The following MAGI2 variants were observed in gnomAD, a reference collection of about 807,000 sequenced individuals.
MAGI2 encodes the protein membrane-associated guanylate kinase, WW and PDZ domain-containing protein 2.
A neutral mutation model predicts 133.3 loss-of-function variants in MAGI2; 35 were observed. The ratio of observed to expected loss-of-function variants is 0.26; its 90% CI spans 0.20 to 0.35. The LOEUF (loss-of-function observed/expected upper bound fraction) is 0.35. MAGI2 is among the 10% of genes least tolerant of loss of function. MAGI2 has a pLI of 1.00. For missense variants in MAGI2, 1,636 were observed against 1,863.4 expected, an observed-to-expected ratio of 0.88 and a Z score of 2.25; for synonymous variants, 729 against 710.6, an observed-to-expected ratio of 1.03 and a Z score of -0.41.
chr7:79,128,792 A>T (rs1263352020), intron 1 of MAGI2, among the ~76,000 whole-genome samples: 1 of 152,204 alleles, frequency 6.6e-6, no homozygotes, highest in Non-Finnish European at 1.5e-5. Flanking sequence ...ATCCCCATAA[A>T]CCTATCATCG....
intron 7 of MAGI2, among the ~76,000 whole-genome samples, chr7:78,360,671 G>A (rs1021962055): frequency 6.6e-6 from 1 of 152,220 alleles, no homozygotes; most frequent in African/African-American, 2.4e-5. Flanking sequence ...AGTGTTTTCT[G>A]GGTTGCCTAG....
intron 1 of MAGI2, among the ~76,000 whole-genome samples, chr7:79,142,954 A>G (rs1822275523): frequency 6.6e-6 from 1 of 152,218 alleles, no homozygotes; most frequent in Non-Finnish European, 1.5e-5. Flanking sequence ...CACTACTATC[A>G]GCTGCATTTC....
intron 15 of MAGI2, among the ~76,000 whole-genome samples, chr7:78,164,254 GTCTCTTCT>G (rs1349956725): frequency 6.7e-6 from 1 of 149,308 alleles, no homozygotes; most frequent in Non-Finnish European, 1.5e-5. Context: ...ATGTGCCTGG[GTCTCTTCT>G]CAGGACTGTC....
At chr7:79,023,173 T>G (rs553898518) in intron 1 of MAGI2, among the ~76,000 whole-genome samples, 2 of 97,526 alleles carry the variant, frequency 2.1e-5, no homozygotes, top group African/African-American at 6.6e-5. Flanking sequence ...GATGCAAGTT[T>G]TGTTCAATAT....
At chr7:78,454,122 C>G (rs923069834) in intron 6 of MAGI2, among the ~76,000 whole-genome samples, 1 of 152,148 alleles carries the variant, frequency 6.6e-6, no homozygotes, top group Non-Finnish European at 1.5e-5. Flanking sequence ...ACCTGTCTAC[C>G]ATTCTCTACA....
intron 20 of MAGI2, among the ~76,000 whole-genome samples, chr7:78,110,761 T>A (rs971837445): frequency 1.3e-5 from 2 of 151,866 alleles, no homozygotes; most frequent in South Asian, 4.2e-4. Flanking sequence ...CATCTCTGAG[T>A]TCAACACAGC....
At chr7:79,239,321 G>C (rs1245126174) in intron 1 of MAGI2, among the ~76,000 whole-genome samples, 1 of 151,884 alleles carries the variant, frequency 6.6e-6, no homozygotes, top group Non-Finnish European at 1.5e-5. Context: ...TTCAAATTTT[G>C]TTTCTAAGAC....
At chr7:79,048,571 T>C (rs1479440194) in intron 1 of MAGI2, among the ~76,000 whole-genome samples, 1 of 152,216 alleles carries the variant, frequency 6.6e-6, no homozygotes, top group Non-Finnish European at 1.5e-5. Flanking sequence ...AATGTATAAA[T>C]ATTTCAGATA....
At chr7:79,367,843 T>A (rs1166774492) in intron 1 of MAGI2, among the ~76,000 whole-genome samples, 1 of 80,236 alleles carries the variant, frequency 1.2e-5, no homozygotes, top group Non-Finnish European at 2.4e-5. Context: ...CATATATATA[T>A]GCTTATATAT....
intron 2 of MAGI2, among the ~76,000 whole-genome samples, chr7:78,669,543 A>C (rs564636110): frequency 6.6e-6 from 1 of 152,304 alleles, no homozygotes; most frequent in Non-Finnish European, 1.5e-5. Context: ...TCAATAGAAA[A>C]AGAGGGAATC....
Position 78,882,115 on chromosome 7 carries a change from A to AAAAAAAAAAAAAAAG in MAGI2, c.418+124974_418+124975insCTTTTTTTTTTTTTT, listed in dbSNP as rs1795918606. ...AAAAAAAAAAAAAAAAAAAGAAAAG[A>AAAAAAAAAAAAAAAG]AAAACAAAAAAAAAAGAGAGAGAGA... On this transcript the variant is annotated intron_variant, in intron 2 of 21. Transcript: ENST00000354212. Among the ~76,000 whole-genome samples, 14 of 93,722 alleles carry AAAAAAAAAAAAAAAG rather than the reference A, an allele frequency of 1.5e-4. 1 individual carries two copies. The highest frequency in any genetic ancestry group is 6.9e-4 in the South Asian group (1 of 1,452). 61.5% of individuals were successfully genotyped at this position (93,722 alleles called of 152,430 possible). A position where few individuals can be genotyped will look rare whatever the true frequency, so the allele number is the denominator to read the frequency against.
chr7:79,090,375 G>T (rs1051365240), intron 1 of MAGI2, among the ~76,000 whole-genome samples: 1 of 151,870 alleles, frequency 6.6e-6, no homozygotes, highest in Admixed American at 6.6e-5. Flanking sequence ...ACCATAATTT[G>T]TAACTGGAAA....
chr7:78,183,715 A>C (rs1827414488), intron 13 of MAGI2, among the ~76,000 whole-genome samples: 1 of 152,328 alleles, frequency 6.6e-6, no homozygotes, highest in East Asian at 1.9e-4. Flanking sequence ...GACTACAGGC[A>C]TGCGCCACAG....
chr7:79,193,494 T>G (rs1306585784), intron 1 of MAGI2, among the ~76,000 whole-genome samples: 1 of 151,974 alleles, frequency 6.6e-6, no homozygotes, highest in African/African-American at 2.4e-5. Flanking sequence ...TATTATGAGT[T>G]GTGTAATTTT....
At position 78,281,554 on chromosome 7, in the gene MAGI2, CAATT is replaced by C. The variant is rs1222043420; in HGVS notation, c.1409-24977_1409-24974del. Among the ~76,000 whole-genome samples the C allele has an allele frequency of 2.6e-5, 4 of 152,226 alleles. No homozygotes were observed. The East Asian group carries it at 5.8e-4, about 22-fold the overall frequency. ...CCTCTCCAGCCATGCTGAACTGACT[CAATT>C]AAACTTCTTTCCTTTAGAAATTACC... On this transcript the variant is annotated intron_variant, in intron 9 of 21. Transcript: ENST00000354212.
chr7:78,970,216 T>C (rs530639301), intron 2 of MAGI2, among the ~76,000 whole-genome samples: 15 of 152,248 alleles, frequency 9.9e-5, no homozygotes, highest in Admixed American at 5.9e-4. Context: ...ATGAGGGTTA[T>C]AAATCACTAA....
intron 1 of MAGI2, among the ~76,000 whole-genome samples, chr7:79,324,841 C>T (rs894836584): frequency 2.7e-5 from 4 of 149,416 alleles, no homozygotes; most frequent in Non-Finnish European, 5.9e-5. Context: ...TACAAGTCTA[C>T]TCGTCCTTCA....
rs374503471 is a variant in MAGI2 at position 78,371,781 on chromosome 7, G to T, written c.1046-2568C>A. 1.3e-4 allele frequency among the ~76,000 whole-genome samples: 20 copies of T among 152,050 alleles called. No homozygotes were observed. In the South Asian group the frequency reaches 3.7e-3, roughly 28 times the overall value. ...ATCAACATGTTTTGTGTGTTCGTTT[G>T]GTTGTTTCAGATTTCCAAAGTAAAC... is the stretch of plus-strand genomic sequence containing the variant. On this transcript the variant is annotated intron_variant, in intron 6 of 21. Transcript: ENST00000354212.
chr7:78,393,005 G>C (rs1011145251), intron 6 of MAGI2, among the ~76,000 whole-genome samples: 1 of 152,048 alleles, frequency 6.6e-6, no homozygotes, highest in African/African-American at 2.4e-5. Flanking sequence ...ACATATCCAT[G>C]TCCAGGACAG....
Sources: gnomAD v4.1 joint callset for allele counts (sites outside exome capture counted in the v4.1 genomes callset) on GRCh38, gnomAD v4.1.1 for gene constraint, MANE v1.5 for transcripts, NCBI Gene and HGNC (gene_info 2026-07-23, HGNC 2026-07-21) for gene names.